The following ADCY5 variants were observed in gnomAD, a reference collection of about 807,000 sequenced individuals.
ADCY5 encodes the protein adenylate cyclase type 5.
ADCY5 carries 30 observed loss-of-function variants against 119.7 expected under a neutral mutation model. That is an observed-to-expected ratio of 0.25 (90% CI 0.19 to 0.34). ADCY5 has a LOEUF of 0.34. Ranked by LOEUF, ADCY5 falls within the 10% of genes least tolerant of loss-of-function variation. The probability of loss-of-function intolerance (pLI) is 1.00; values close to 1 mark genes in which losing one functional copy is unlikely to be tolerated. For missense variants in ADCY5, 1,324 were observed against 1,775.2 expected (o/e 0.75, Z 4.57); for synonymous variants, 753 against 762.2 (o/e 0.99, Z 0.20).
chr3:123,314,752 G>C (rs1940810330), intron 11 of ADCY5, among the ~76,000 whole-genome samples: 1 of 152,168 alleles, frequency 6.6e-6, no homozygotes, highest in Non-Finnish European at 1.5e-5. Context: ...ATAAATAACT[G>C]TGAAGGCTGA....
intron 1 of ADCY5, among the ~76,000 whole-genome samples, chr3:123,360,775 A>C (rs990605642): frequency 1.3e-5 from 2 of 152,264 alleles, no homozygotes; most frequent in African/African-American, 4.8e-5. Context: ...ATAGACTAGA[A>C]TGTGAAGAAA....
chr3:123,283,044 A>C lies in ADCY5; in HGVS notation c.*1564T>G, dbSNP rs1367607078. 6.6e-6 allele frequency: 1 copy of C among 152,142 alleles called. No homozygotes were observed. The highest frequency in any genetic ancestry group is 2.4e-5 in the African/African-American group (1 of 41,424). 9.4% of individuals were successfully genotyped at this position (152,142 alleles called of 1,614,324 possible). A position where few individuals can be genotyped will look rare whatever the true frequency, so the allele number is the denominator to read the frequency against. ...ATGTTTAACTGCCCCCTCCCACTAA[A>C]ACAAAATTCCTGCTAGCTTTCCCTG... On this transcript the variant is annotated 3_prime_UTR_variant, in exon 21 of 21. Coordinates refer to ENST00000462833, the MANE Select transcript of ADCY5 (RefSeq NM_183357.3).
At chr3:123,304,227 A>G (rs1940072739) in intron 12 of ADCY5, 44 bp from the exon 13 acceptor site, 2 of 1,234,930 alleles carry the variant, frequency 1.6e-6, no homozygotes, top group Non-Finnish European at 2.4e-6. Context: ...GGAGAGACGG[A>G]ATAGCATTCA....
At chr3:123,362,615 T>C (rs1020737295) in intron 1 of ADCY5, among the ~76,000 whole-genome samples, 1 of 152,188 alleles carries the variant, frequency 6.6e-6, no homozygotes, top group Non-Finnish European at 1.5e-5. Flanking sequence ...ATTGAGTGCC[T>C]AGCACTGGGA....
chr3:123,411,099 G>A (rs11715633), intron 1 of ADCY5, among the ~76,000 whole-genome samples: 30,261 of 152,024 alleles, frequency 0.2, 3,382 homozygotes, highest in Admixed American at 0.27. Flanking sequence ...AGCCTAACCC[G>A]TTCCCTCCAT....
At chr3:123,434,779 T>C (rs543074567) in intron 1 of ADCY5, among the ~76,000 whole-genome samples, 6 of 152,068 alleles carry the variant, frequency 3.9e-5, no homozygotes, top group Admixed American at 3.9e-4. Context: ...ATAAGAAATC[T>C]CTTGTCTATA....
chr3:123,428,849 C>T (rs930741107), intron 1 of ADCY5, among the ~76,000 whole-genome samples: 4 of 152,180 alleles, frequency 2.6e-5, no homozygotes, highest in African/African-American at 9.7e-5. Context: ...AATTTTTAAA[C>T]GGAGTTCCTG....
rs1286964839 is a variant in ADCY5, at chr3:123,351,603, G to A, written c.1284+829C>T. Reference sequence around the variant, plus strand: ...GGGAGCCCCATCACCCTGCAGACCCGCCCACTCTCTCCCCTAGGCCACACA... The same window carrying A: ...GGGAGCCCCATCACCCTGCAGACCCACCCACTCTCTCCCCTAGGCCACACA... On this transcript the variant is annotated intron_variant, in intron 2 of 20. Coordinates refer to ENST00000462833, the MANE Select transcript of ADCY5 (RefSeq NM_183357.3). Among the ~76,000 whole-genome samples the A allele has an allele frequency of 4.6e-5, 7 of 152,084 alleles. No individual in the cohort carries two copies. In the South Asian group the frequency reaches 8.3e-4, roughly 18 times the overall value.
At chr3:123,442,416 C>A (rs754368260) in intron 1 of ADCY5, among the ~76,000 whole-genome samples, 1 of 152,244 alleles carries the variant, frequency 6.6e-6, no homozygotes, top group African/African-American at 2.4e-5. Flanking sequence ...TGGGCCACCA[C>A]CCTGCGTGTG....
intron 17 of ADCY5, among the ~76,000 whole-genome samples, chr3:123,294,502 A>C (rs1559782191): frequency 6.6e-6 from 1 of 152,244 alleles, no homozygotes; most frequent in Non-Finnish European, 1.5e-5. Context: ...GGAGTCTCTC[A>C]GTGCGAGGCA....
rs773970900 is a variant in ADCY5 at position 123,448,258 on chromosome 3, G to C, written c.288C>G (p.Ser96Arg). 2 of 1,504,146 alleles carry C rather than the reference G, an allele frequency of 1.3e-6. No individual in the cohort carries two copies. The highest frequency in any genetic ancestry group is 2.5e-5 in the South Asian group (2 of 80,378). The allele number at this position is 1,504,146 out of a possible 1,614,324, so 93.2% of individuals were successfully genotyped here. ...DDPLAGGFGFSFRSKSAWQER... is the reference protein window; with the variant it reads ...DDPLAGGFGFRFRSKSAWQER... ...CCTGCCAGGCGGACTTGGAGCGGAA[G>C]CTGAAGCCGAAGCCCCCGGCCAGGG... The change falls in exon 1 of 21, where the codon AGC (serine) becomes AGG (arginine). Residue 96 changes from serine (S) to arginine (R), a missense_variant. By Grantham distance (110) the Ser-to-Arg change is moderately radical. Around this residue, in one of 6 missense-constraint regions of ADCY5, gnomAD observed 585 missense variants for 569.9 expected, o/e 1.03. Coordinates refer to ENST00000462833, the MANE Select transcript of ADCY5 (RefSeq NM_183357.3).
chr3:123,303,539 T>C (rs949685692), intron 13 of ADCY5, among the ~76,000 whole-genome samples: 4 of 152,086 alleles, frequency 2.6e-5, no homozygotes, highest in Admixed American at 6.5e-5. Context: ...TAGCCAAGCA[T>C]AGTGGCTCAT....
Position 123,447,512 on chromosome 3 carries a change from A to G in ADCY5, c.1034T>C (p.Val345Ala). The G allele has an allele frequency of 1.2e-6, 2 of 1,611,626 alleles. No homozygotes were observed. The highest frequency in any genetic ancestry group is 1.7e-6 in the Non-Finnish European group (2 of 1,179,658). Residue 345 changes from valine (V) to alanine (A), a missense_variant, in exon 1 of 21, where the codon GTG becomes GCG. By Grantham distance (64) the Val-to-Ala change is moderately conservative. Transcript: ENST00000462833. ...GCTGAGCACTGCGGCCCGCATGCGC[A>G]CGGGCAGCAGCGTGTAGATGGTGTA... ...FIYTIYTLLPVRMRAAVLSGV... is the reference protein window; with the variant it reads ...FIYTIYTLLPARMRAAVLSGV...
At chr3:123,376,100 G>A (rs767839504) in intron 1 of ADCY5, among the ~76,000 whole-genome samples, 11 of 152,034 alleles carry the variant, frequency 7.2e-5, no homozygotes, top group Non-Finnish European at 1.5e-4. Context: ...AGGTCTGCTG[G>A]GCAGTCCTGC....
intron 1 of ADCY5, among the ~76,000 whole-genome samples, chr3:123,382,465 T>C (rs1944063512): frequency 2.0e-5 from 3 of 152,224 alleles, no homozygotes; most frequent in African/African-American, 7.2e-5. Context: ...CAGATATTTT[T>C]ACACGCATGC....
intron 20 of ADCY5, among the ~76,000 whole-genome samples, chr3:123,285,510 C>T (rs1171504605): frequency 6.6e-6 from 1 of 152,168 alleles, no homozygotes; most frequent in Non-Finnish European, 1.5e-5. Context: ...TTGTGAGCAT[C>T]GTCAGAGCTC....
chr3:123,326,345 G>T (rs1431059694), intron 7 of ADCY5, among the ~76,000 whole-genome samples: 1 of 152,226 alleles, frequency 6.6e-6, no homozygotes, highest in Non-Finnish European at 1.5e-5. Flanking sequence ...GAGAGCTAGA[G>T]ACCTGAGGCA....
intron 1 of ADCY5, among the ~76,000 whole-genome samples, chr3:123,435,855 TTA>T (rs1559878223): frequency 5.9e-4 from 36 of 61,354 alleles, no homozygotes; most frequent in African/African-American, 3.3e-3. Context: ...AGCCCTTTTA[TTA>T]TTATTATTAT....
intron 1 of ADCY5, among the ~76,000 whole-genome samples, chr3:123,409,112 A>G (rs991736083): frequency 3.3e-5 from 5 of 152,234 alleles, no homozygotes; most frequent in Non-Finnish European, 7.3e-5. Context: ...CTATAAAATT[A>G]TCTATACAGG....
Sources: allele counts gnomAD v4.1 joint callset (sites outside exome capture counted in the v4.1 genomes callset), GRCh38; gene constraint gnomAD v4.1.1; regional missense constraint gnomAD v4.1.1; transcripts MANE v1.5; gene names NCBI Gene and HGNC (gene_info 2026-07-23, HGNC 2026-07-21).